The following MYO3B variants were observed in gnomAD, a reference collection of about 807,000 sequenced individuals.
MYO3B encodes the protein myosin-IIIb.
In MYO3B, 156 loss-of-function variants were observed where a neutral mutation model predicts 174.6. That is an observed-to-expected ratio of 0.89 (90% CI 0.78 to 1.02). The LOEUF is 1.02. Among genes scored for constraint, MYO3B ranks in the 50% least tolerant of loss-of-function variants. The pLI is 0.00. For synonymous variants in MYO3B, 563 were observed against 569.1 expected, an observed-to-expected ratio of 0.99 and a Z score of 0.15; for missense variants, 1,632 against 1,639.4, an observed-to-expected ratio of 1.00 and a Z score of 0.08.
Position 170,645,808 on chromosome 2 carries a change from G to T in MYO3B, c.3734-5820G>T, listed in dbSNP as rs1422579888. Among the ~76,000 whole-genome samples the T allele has an allele frequency of 2.0e-5, 3 of 152,302 alleles. No homozygotes were observed. The East Asian group carries it at 5.8e-4, about 29-fold the overall frequency. On this transcript the variant is annotated intron_variant, in intron 32 of 34. Coordinates refer to ENST00000408978, the MANE Select transcript of MYO3B (RefSeq NM_138995.5). ...CATAGATTTAGTCAATGTGCTATATGTTATTTTGTATTTTACTTCTTTTTC... is the reference window on the plus strand; with the variant it reads ...CATAGATTTAGTCAATGTGCTATATTTTATTTTGTATTTTACTTCTTTTTC...
intron 32 of MYO3B, among the ~76,000 whole-genome samples, chr2:170,637,568 G>A (rs184697713): frequency 1.4e-4 from 21 of 152,226 alleles, no homozygotes; most frequent in African/African-American, 5.1e-4. Context: ...CAGATCTCTT[G>A]CAACCTCCTC....
intron 32 of MYO3B, among the ~76,000 whole-genome samples, chr2:170,624,182 A>G (rs972841129): frequency 6.6e-6 from 1 of 152,184 alleles, no homozygotes. Flanking sequence ...CATTTTCACA[A>G]TATTGATTCT....
At position 170,651,661 on chromosome 2, in the gene MYO3B, C is replaced by T. The variant is rs755216959; in HGVS notation, c.3767C>T (p.Thr1256Ile). The T allele has an allele frequency of 1.2e-6, 2 of 1,614,102 alleles. No homozygotes were observed. The highest frequency in any genetic ancestry group is 1.7e-6 in the Non-Finnish European group (2 of 1,180,016). ...SENGLAQKHR[T>I]PRRRCQQPKM... ...AATGGTCTTGCACAGAAGCATCGAA[C>T]ACCTCGCCGACGATGTCAGCAGCCC... Residue 1256 changes from threonine (T) to isoleucine (I), a missense_variant, in exon 33 of 35, where the codon ACA becomes ATA. Coordinates refer to ENST00000408978, the MANE Select transcript of MYO3B (RefSeq NM_138995.5).
rs1038604062 is a variant in MYO3B, at chr2:170,654,204, A to AAACT, written c.*1084_*1087dup. The AAACT allele has an allele frequency of 7.9e-5, 12 of 152,330 alleles. 1 individual carries two copies. The East Asian group carries it at 2.1e-3, about 27-fold the overall frequency. The allele number at this position is 152,330 out of a possible 1,614,324, so 9.4% of individuals were successfully genotyped here. A position where few individuals can be genotyped will look rare whatever the true frequency, so the allele number is the denominator to read the frequency against. ...AATACTCAACATGATTCAGTATGAC[A>AAACT]AACTTTTTTGAGCACCTACTTTATA... On this transcript the variant is annotated 3_prime_UTR_variant, in exon 35 of 35. Coordinates refer to ENST00000408978, the MANE Select transcript of MYO3B (RefSeq NM_138995.5).
intron 3 of MYO3B, among the ~76,000 whole-genome samples, 194 bp from the exon 4 acceptor site, chr2:170,214,184 TA>T (rs143738652): frequency 0.015 from 2,359 of 152,282 alleles, 67 homozygotes; most frequent in African/African-American, 0.054. Context: ...TCACCTCAAA[TA>T]AAAAATACAT....
At chr2:170,628,822 C>T (rs535110061) in intron 32 of MYO3B, among the ~76,000 whole-genome samples, 35 of 152,206 alleles carry the variant, frequency 2.3e-4, no homozygotes, top group Admixed American at 2.1e-3. Flanking sequence ...GGATAGTAGG[C>T]TTCAAGTTTG....
At chr2:170,191,118 G>A (rs563562964) in intron 1 of MYO3B, among the ~76,000 whole-genome samples, 2 of 151,848 alleles carry the variant, frequency 1.3e-5, no homozygotes, top group Non-Finnish European at 2.9e-5. Context: ...CTGGCCCAGG[G>A]TGTGTCTAGA....
At chr2:170,501,647 C>A in intron 27 of MYO3B, 138 bp from the exon 28 acceptor site, 1 of 608,212 alleles carries the variant, frequency 1.6e-6, no homozygotes, top group Non-Finnish European at 3.0e-6. Context: ...GATCACATAC[C>A]TCTGCTTATT....
chr2:170,595,120 C>G (rs185463108), intron 32 of MYO3B, among the ~76,000 whole-genome samples: 12 of 152,274 alleles, frequency 7.9e-5, no homozygotes, highest in South Asian at 4.2e-4. Context: ...CTTACCCCCC[C>G]ACAAACCTAA....
rs1307605626 is a variant in MYO3B, at chr2:170,457,673, A to G, written c.2731-5695A>G. ...ATGCCTTCTTTTGGAATACCTCCTA[A>G]AGGACCTGCCTGAGGCTGTTCCACG... On this transcript the variant is annotated intron_variant, in intron 23 of 34. Transcript: ENST00000408978. 2.0e-5 allele frequency among the ~76,000 whole-genome samples: 3 copies of G among 152,082 alleles called. 1 individual carries two copies. The highest frequency in any genetic ancestry group is 4.4e-5 in the Non-Finnish European group (3 of 68,000).
At chr2:170,344,651 G>A (rs952907611) in intron 8 of MYO3B, 1 of 152,174 alleles carries the variant, frequency 6.6e-6, no homozygotes, top group African/African-American at 2.4e-5. Flanking sequence ...AGAGTGTCTG[G>A]ACAGGAAGCA....
At chr2:170,399,207 A>G (rs1327513883) in intron 16 of MYO3B, among the ~76,000 whole-genome samples, 5 of 131,856 alleles carry the variant, frequency 3.8e-5, no homozygotes, top group African/African-American at 1.4e-4. Context: ...GCGCCATTGC[A>G]CTCCAGCCTG....
chr2:170,556,584 C>A (rs907131230), intron 32 of MYO3B, among the ~76,000 whole-genome samples: 1 of 151,992 alleles, frequency 6.6e-6, no homozygotes, highest in African/African-American at 2.4e-5. Flanking sequence ...TACAATGGCA[C>A]GATCTTGGCT....
chr2:170,412,848 T>C (rs1420881548), intron 22 of MYO3B, among the ~76,000 whole-genome samples: 4 of 152,200 alleles, frequency 2.6e-5, no homozygotes, highest in Non-Finnish European at 1.5e-5. Flanking sequence ...AAATGGAGGC[T>C]CTGATGAGCC....
At chr2:170,446,878 T>G (rs747130820) in intron 23 of MYO3B, among the ~76,000 whole-genome samples, 1 of 152,170 alleles carries the variant, frequency 6.6e-6, no homozygotes, top group Non-Finnish European at 1.5e-5. Context: ...GGGAAATCTG[T>G]GTATTTTTGT....
chr2:170,631,923 G>C (rs1280657053), intron 32 of MYO3B, among the ~76,000 whole-genome samples: 2 of 152,206 alleles, frequency 1.3e-5, no homozygotes, highest in Non-Finnish European at 2.9e-5. Flanking sequence ...TAACGGTAAA[G>C]AGATGATTCC....
chr2:170,635,927 T>C (rs1454848172), intron 32 of MYO3B, among the ~76,000 whole-genome samples: 1 of 152,204 alleles, frequency 6.6e-6, no homozygotes, highest in Non-Finnish European at 1.5e-5. Context: ...CCTTAGAAAG[T>C]GAACCCAGGC....
chr2:170,240,037 C>G lies in MYO3B; in HGVS notation c.749+3901C>G, dbSNP rs117053473. 9.1e-3 allele frequency among the ~76,000 whole-genome samples: 1,391 copies of G among 152,280 alleles called. 39 individuals are homozygous for G. The highest frequency in any genetic ancestry group is 0.087 in the East Asian group (453 of 5,182). On this transcript the variant is annotated intron_variant, in intron 7 of 34. Transcript: ENST00000408978. ...TCTGGCTTCGTTTTCACATGGCCGCCTTTCCCACGTCTTTGGGTCTTCTTT... is the reference window on the plus strand; with the variant it reads ...TCTGGCTTCGTTTTCACATGGCCGCGTTTCCCACGTCTTTGGGTCTTCTTT...
rs1443930885 is a variant in MYO3B at position 170,227,299 on chromosome 2, G to C, written c.604-8692G>C. 6.6e-5 allele frequency among the ~76,000 whole-genome samples: 10 copies of C among 152,182 alleles called. 1 individual carries two copies. The highest frequency in any genetic ancestry group is 2.4e-4 in the African/African-American group (10 of 41,536). The stretch of plus-strand genomic sequence containing the variant: ...TCATACTTTTTTGTGAGGGGAAGTG[G>C]GGGGGTACAGGGTCTTGCTCTGTCA... On this transcript the variant is annotated intron_variant, in intron 6 of 34. Coordinates refer to ENST00000408978, the MANE Select transcript of MYO3B (RefSeq NM_138995.5).
Sources: allele counts gnomAD v4.1 joint callset (sites outside exome capture counted in the v4.1 genomes callset), GRCh38; gene constraint gnomAD v4.1.1; transcripts MANE v1.5; gene names NCBI Gene and HGNC (gene_info 2026-07-23, HGNC 2026-07-21).